The following GNAQ variants were observed in gnomAD, a reference collection of about 807,000 sequenced individuals.
GNAQ encodes G protein subunit alpha q.
GNAQ carries 8 observed loss-of-function variants against 43.9 expected under a neutral mutation model. The ratio of observed to expected loss-of-function variants is 0.18; its 90% CI spans 0.11 to 0.33. The LOEUF (loss-of-function observed/expected upper bound fraction) is 0.33. Ranked by LOEUF, GNAQ falls within the 10% of genes least tolerant of loss-of-function variation. The pLI, the probability that GNAQ is intolerant of heterozygous loss-of-function variation, is 1.00. For synonymous variants in GNAQ, 155 were observed against 170.7 expected, an observed-to-expected ratio of 0.91 and a Z score of 0.71; for missense variants, 158 against 450.8, an observed-to-expected ratio of 0.35 and a Z score of 5.88.
At chr9:77,814,580 C>T (rs993731375) in intron 3 of GNAQ, among the ~76,000 whole-genome samples, 1 of 152,068 alleles carries the variant, frequency 6.6e-6, no homozygotes, top group Non-Finnish European at 1.5e-5. Context: ...TATACAAATG[C>T]CTAGAATTAG....
intron 1 of GNAQ, among the ~76,000 whole-genome samples, chr9:77,957,614 A>T (rs1823059083): frequency 6.6e-6 from 1 of 152,128 alleles, no homozygotes; most frequent in African/African-American, 2.4e-5. Flanking sequence ...AGGCAATGGG[A>T]TTTCATGAGT....
At chr9:77,766,934 G>A (rs1275160672) in intron 5 of GNAQ, among the ~76,000 whole-genome samples, 1 of 152,102 alleles carries the variant, frequency 6.6e-6, no homozygotes, top group Non-Finnish European at 1.5e-5. Flanking sequence ...AATAAGCCCT[G>A]TCCAGTGCTT....
At chr9:77,932,159 G>A (rs572909956) in intron 1 of GNAQ, among the ~76,000 whole-genome samples, 76 of 152,234 alleles carry the variant, frequency 5.0e-4, no homozygotes, top group Non-Finnish European at 1.0e-3. Flanking sequence ...ACCTTATCTA[G>A]TCTCAGCCCT....
rs574068074 is a variant in GNAQ, at chr9:77,755,874, T to C, written c.736-27207A>G. 1.4e-4 allele frequency among the ~76,000 whole-genome samples: 21 copies of C among 152,290 alleles called. No homozygotes were observed. The South Asian group carries it at 3.9e-3, about 29-fold the overall frequency. On this transcript the variant is annotated intron_variant, in intron 5 of 6. Transcript: ENST00000286548. ...GTTAATACTGTCAACTTGATTGGATTGAAGGATGCAAAGTACTGTTCTTGG... is the reference window on the plus strand; with the variant it reads ...GTTAATACTGTCAACTTGATTGGATCGAAGGATGCAAAGTACTGTTCTTGG...
chr9:77,795,293 A>G (rs541497104), intron 4 of GNAQ, among the ~76,000 whole-genome samples: 100 of 152,302 alleles, frequency 6.6e-4, no homozygotes, highest in Admixed American at 1.8e-3. Context: ...TTAACACATC[A>G]ATTCTGTGCT....
At chr9:77,883,835 T>A (rs1047656284) in intron 2 of GNAQ, among the ~76,000 whole-genome samples, 38 of 152,218 alleles carry the variant, frequency 2.5e-4, no homozygotes, top group African/African-American at 9.2e-4. Context: ...AACTGTCTAG[T>A]CTCTGTTCCC....
At chr9:77,789,494 TA>T (rs936381908) in intron 5 of GNAQ, among the ~76,000 whole-genome samples, 3 of 152,098 alleles carry the variant, frequency 2.0e-5, no homozygotes, top group African/African-American at 7.2e-5. Flanking sequence ...TATTTTACCT[TA>T]AAAAAAGTAT....
In GNAQ at chr9:77,774,851, T is replaced by C. The variant is rs112140813; in HGVS notation, c.735+19612A>G. Among the ~76,000 whole-genome samples, 858 of 152,320 alleles carry C rather than the reference T, an allele frequency of 5.6e-3. 1 individual carries two copies. The highest frequency in any genetic ancestry group is 0.02 in the African/African-American group (811 of 41,568). On this transcript the variant is annotated intron_variant, in intron 5 of 6. Coordinates refer to ENST00000286548, the MANE Select transcript of GNAQ (RefSeq NM_002072.5). ...ATTTCTTTAATCCATGTAAAATGGA[T>C]TGTTCATGTAAAAATTTAAAAATGC...
Position 77,979,283 on chromosome 9 carries a change from G to A in GNAQ, c.136+51817C>T, listed in dbSNP as rs186979276. On this transcript the variant is annotated intron_variant, in intron 1 of 6. Coordinates refer to ENST00000286548, the MANE Select transcript of GNAQ (RefSeq NM_002072.5). ...AGGCTGGAGAATTGCTTGAACACAGGAGGTAGAGGTTGCGGTGAGCCGAGA... is the reference window on the plus strand; with the variant it reads ...AGGCTGGAGAATTGCTTGAACACAGAAGGTAGAGGTTGCGGTGAGCCGAGA... Among the ~76,000 whole-genome samples, 312 of 151,460 alleles carry A rather than the reference G, an allele frequency of 2.1e-3. 2 individuals are homozygous for A. Among genetic ancestry groups the A allele is most frequent in the Middle Eastern group, 6.8e-3 (2 of 294 alleles).
intron 1 of GNAQ, among the ~76,000 whole-genome samples, chr9:78,022,462 C>T (rs1225262905): frequency 1.3e-5 from 2 of 152,126 alleles, no homozygotes; most frequent in East Asian, 3.8e-4. Context: ...CTTTCAGTCA[C>T]AGATTTTAGA....
chr9:77,743,694 A>G (rs1386261667), intron 5 of GNAQ, among the ~76,000 whole-genome samples: 1 of 152,150 alleles, frequency 6.6e-6, no homozygotes, highest in Non-Finnish European at 1.5e-5. Context: ...CATACTTGTT[A>G]AATAGTACAT....
rs375180183 is a variant in GNAQ, at chr9:77,964,212, G to A, written c.137-41867C>T. 3.9e-5 allele frequency among the ~76,000 whole-genome samples: 6 copies of A among 152,072 alleles called. No homozygotes were observed. In the South Asian group the frequency reaches 6.2e-4, roughly 16 times the overall value. On this transcript the variant is annotated intron_variant, in intron 1 of 6. Transcript: ENST00000286548. ...ATAATGATAAACCGGTTAACTTATC[G>A]AAAGGACATAACAATCCTAAATGTT... is the stretch of plus-strand genomic sequence containing the variant.
intron 2 of GNAQ, among the ~76,000 whole-genome samples, chr9:77,892,603 C>A (rs1442372426): frequency 2.6e-5 from 4 of 152,166 alleles, no homozygotes; most frequent in African/African-American, 9.7e-5. Context: ...TCTTTAACAA[C>A]AGTCATAAGC....
intron 2 of GNAQ, among the ~76,000 whole-genome samples, chr9:77,858,392 C>A (rs1427097808): frequency 6.6e-6 from 1 of 152,090 alleles, no homozygotes; most frequent in Admixed American, 6.6e-5. Flanking sequence ...TTTTCTGTTG[C>A]CCCAATCAGC....
intron 2 of GNAQ, among the ~76,000 whole-genome samples, chr9:77,900,027 T>C (rs1204793854): frequency 6.6e-6 from 1 of 152,130 alleles, no homozygotes; most frequent in East Asian, 1.9e-4. Context: ...CCTTCCAGAG[T>C]CCACCTGTTC....
intron 2 of GNAQ, among the ~76,000 whole-genome samples, chr9:77,817,856 A>G (rs1265847160): frequency 6.6e-6 from 1 of 152,164 alleles, no homozygotes; most frequent in Admixed American, 6.5e-5. Context: ...GGTGTCAGAG[A>G]GAAGGTGGGA....
intron 2 of GNAQ, among the ~76,000 whole-genome samples, chr9:77,849,098 T>C (rs909855450): frequency 6.6e-6 from 1 of 152,154 alleles, no homozygotes; most frequent in African/African-American, 2.4e-5. Context: ...ACCAAGTGCA[T>C]TGCTCAACAT....
Position 78,031,668 on chromosome 9 carries a change from C to T in GNAQ, c.-433G>A, listed in dbSNP as rs1285018267. Among the ~76,000 whole-genome samples the T allele has an allele frequency of 6.8e-6, 1 of 147,724 alleles. No individual in the cohort carries two copies. Among genetic ancestry groups the T allele is most frequent in the East Asian group, 2.0e-4 (1 of 5,030 alleles). ...GAGAGCTCATTCACCGGGGTGTCCCCGCAGCGAGCGGCCGCCGACGGCTCC... is the reference window on the plus strand; with the variant it reads ...GAGAGCTCATTCACCGGGGTGTCCCTGCAGCGAGCGGCCGCCGACGGCTCC... On this transcript the variant is annotated 5_prime_UTR_variant, in exon 1 of 7. Transcript: ENST00000286548.
chr9:77,815,072 A>G (rs1826990749), intron 3 of GNAQ, among the ~76,000 whole-genome samples: 1 of 152,186 alleles, frequency 6.6e-6, no homozygotes, highest in Non-Finnish European at 1.5e-5. Flanking sequence ...TTAGACTCAC[A>G]TGAAATTTTC....
Sources: gnomAD v4.1 joint callset for allele counts (sites outside exome capture counted in the v4.1 genomes callset) on GRCh38, gnomAD v4.1.1 for gene constraint, MANE v1.5 for transcripts, NCBI Gene and HGNC (gene_info 2026-07-23, HGNC 2026-07-21) for gene names.